AP4S1: variants seen among roughly 807,000 people sequenced by gnomAD.
The protein encoded by AP4S1 is adaptor related protein complex 4 subunit sigma 1.
Under a neutral mutation model 19.8 loss-of-function variants are expected in AP4S1, and 23 were observed. The ratio of observed to expected loss-of-function variants is 1.16; its 90% CI spans 0.84 to 1.65. AP4S1 has a LOEUF of 1.65. Ranked by LOEUF, AP4S1 falls within the 40% of genes most tolerant of loss-of-function variation. The probability of loss-of-function intolerance (pLI) is 0.00; values close to 1 mark genes in which losing one functional copy is unlikely to be tolerated. For synonymous variants in AP4S1, 46 were observed against 54.1 expected (o/e 0.85, Z 0.66); for missense variants, 166 against 172.8 (o/e 0.96, Z 0.22).
rs555895746 is a variant in AP4S1, at chr14:31,069,067, C to T, written c.139-776C>T. ...TTGCAGCTTCATTCCCAGGTGCATCCGGGCACCTAAGAGCAACACATCCAG... is the reference window on the plus strand; with the variant it reads ...TTGCAGCTTCATTCCCAGGTGCATCTGGGCACCTAAGAGCAACACATCCAG... On this transcript the variant is annotated intron_variant, in intron 2 of 5. Coordinates refer to ENST00000542754, the MANE Select transcript of AP4S1 (RefSeq NM_001128126.3). Among the ~76,000 whole-genome samples, 9 of 152,212 alleles carry T rather than the reference C, an allele frequency of 5.9e-5. No individual in the cohort carries two copies. The East Asian group carries it at 1.2e-3, about 20-fold the overall frequency.
intron 1 of AP4S1, among the ~76,000 whole-genome samples, chr14:31,040,265 C>T (rs1160550308): frequency 1.3e-5 from 2 of 151,678 alleles, no homozygotes; most frequent in African/African-American, 4.8e-5. Context: ...TGATCCTCCC[C>T]TCTCAGCCTC....
At chr14:31,054,517 A>T (rs907729867) in intron 1 of AP4S1, among the ~76,000 whole-genome samples, 1 of 152,016 alleles carries the variant, frequency 6.6e-6, no homozygotes, top group African/African-American at 2.4e-5. Flanking sequence ...CCCTGTCTCT[A>T]CTAAAAATAC....
chr14:31,069,740 T>C, intron 2 of AP4S1, 103 bp from the exon 3 acceptor site: 1 of 890,576 alleles, frequency 1.1e-6, no homozygotes, highest in South Asian at 1.3e-5. Context: ...TCTATATTTC[T>C]AGGAATGTTT....
At chr14:31,049,413 C>CA (rs1206930739) in intron 1 of AP4S1, among the ~76,000 whole-genome samples, 27 of 43,536 alleles carry the variant, frequency 6.2e-4, no homozygotes, top group African/African-American at 2.4e-3. Context: ...GACTCGGTCT[C>CA]AAAAAAAAAA....
At chr14:31,064,561 A>G (rs1016588401) in intron 1 of AP4S1, among the ~76,000 whole-genome samples, 3 of 151,996 alleles carry the variant, frequency 2.0e-5, no homozygotes, top group African/African-American at 7.2e-5. Flanking sequence ...ACCTCAAATG[A>G]TCCGTCTGTG....
At position 31,072,704 on chromosome 14, in the gene AP4S1, T is replaced by G. The variant is rs138656258; in HGVS notation, c.226-201T>G. Among the ~76,000 whole-genome samples, 612 of 152,190 alleles carry G rather than the reference T, an allele frequency of 4.0e-3. No homozygotes were observed. Among genetic ancestry groups the G allele is most frequent in the Non-Finnish European group, 6.4e-3 (437 of 67,976 alleles). On this transcript the variant is annotated intron_variant, in intron 3 of 5. Transcript: ENST00000542754. ...TCCTAGAAGTTAAGGTTTATCTACA[T>G]TTCCCCCATTGATAAACATCTTTTA... is the stretch of plus-strand genomic sequence containing the variant.
chr14:31,064,600 G>A (rs1243640344), intron 1 of AP4S1, among the ~76,000 whole-genome samples: 1 of 152,084 alleles, frequency 6.6e-6, no homozygotes, highest in Non-Finnish European at 1.5e-5. Context: ...GGGATTACAG[G>A]CATGAGCCAC....
chr14:31,052,850 A>G (rs1186406986), intron 1 of AP4S1, among the ~76,000 whole-genome samples: 1 of 151,942 alleles, frequency 6.6e-6, no homozygotes, highest in Non-Finnish European at 1.5e-5. Flanking sequence ...GTAAATATAC[A>G]TATCTATTTC....
chr14:31,057,834 G>A (rs769174304), intron 1 of AP4S1, among the ~76,000 whole-genome samples: 2 of 151,766 alleles, frequency 1.3e-5, no homozygotes, highest in African/African-American at 2.4e-5. Context: ...CACAATGTTA[G>A]CCAGGCTGGT....
chr14:31,090,435 G>A (rs903630035), intron 5 of AP4S1, among the ~76,000 whole-genome samples: 1 of 152,172 alleles, frequency 6.6e-6, no homozygotes. Flanking sequence ...CAGTAACTCC[G>A]CTCTTTGGGA....
chr14:31,089,745 C>T (rs905102364), intron 5 of AP4S1, among the ~76,000 whole-genome samples: 4 of 152,078 alleles, frequency 2.6e-5, no homozygotes, highest in Non-Finnish European at 5.9e-5. Flanking sequence ...GGCAAAACCT[C>T]GTCTCTACTA....
chr14:31,041,431 G>A (rs142054659), intron 1 of AP4S1, among the ~76,000 whole-genome samples: 29 of 152,288 alleles, frequency 1.9e-4, no homozygotes, highest in African/African-American at 7.0e-4. Flanking sequence ...TTATAGGCAT[G>A]AGCCACCATG....
At position 31,092,961 on chromosome 14, in the gene AP4S1, G is replaced by A. The variant is rs745905282; in HGVS notation, c.361G>A (p.Gly121Ser). The change falls in exon 6 of 6, where the codon GGC (glycine) becomes AGC (serine). Residue 121 changes from glycine to serine, a missense_variant. Transcript: ENST00000542754. ...CATTTTGGATGAGATGGTGTTAAAT[G>A]GCTGCATTGTGGAAACTAACAGGGC... is the stretch of plus-strand genomic sequence containing the variant. ...HIILDEMVLN[G>S]CIVETNRARI... 1.0e-5 allele frequency: 16 copies of A among 1,547,944 alleles called. No individual in the cohort carries two copies. The highest frequency in any genetic ancestry group is 1.4e-5 in the Non-Finnish European group (16 of 1,145,442).
intron 1 of AP4S1, among the ~76,000 whole-genome samples, chr14:31,058,515 CTCTGTGTGTGTATGTGTGTG>C (rs928180757): frequency 7.5e-6 from 1 of 132,534 alleles, no homozygotes; most frequent in Non-Finnish European, 1.6e-5. Context: ...TCTTCCCCAT[CTCTGTGTGTGTATGTGTGTG>C]TGTGTGTGTG....
chr14:31,086,317 A>C (rs551573206), intron 5 of AP4S1: 1 of 152,384 alleles, frequency 6.6e-6, no homozygotes, highest in South Asian at 2.1e-4. Context: ...ATGTTCTCTC[A>C]GAAAGTTACA....
At chr14:31,052,934 A>ATTTTTTTTTTTTTTTTTTTTTTTTTTTT (rs1209280743) in intron 1 of AP4S1, among the ~76,000 whole-genome samples, 4 of 101,240 alleles carry the variant, frequency 4.0e-5, no homozygotes, top group Admixed American at 1.4e-4. Flanking sequence ...AGTGTGCTAA[A>ATTTTTTTTTTTTTTTTTTTTTTTTTTTT]TTTTTTTTTT....
intron 1 of AP4S1, among the ~76,000 whole-genome samples, chr14:31,033,972 G>A (rs1884569328): frequency 6.6e-6 from 1 of 152,196 alleles, no homozygotes; most frequent in Non-Finnish European, 1.5e-5. Context: ...AGAAAGGATT[G>A]CCTGGAGCCA....
intron 1 of AP4S1, among the ~76,000 whole-genome samples, chr14:31,047,985 G>GT (rs1332033552): frequency 6.6e-6 from 1 of 151,548 alleles, no homozygotes; most frequent in Non-Finnish European, 1.5e-5. Flanking sequence ...CCTTAAATTT[G>GT]TTTTTTCTGA....
At chr14:31,092,193 T>G (rs1216694954) in intron 5 of AP4S1, among the ~76,000 whole-genome samples, 2 of 152,234 alleles carry the variant, frequency 1.3e-5, no homozygotes, top group African/African-American at 4.8e-5. Context: ...GAAATTTTAT[T>G]ATGCCCTGCC....
Sources: allele counts gnomAD v4.1 joint callset (sites outside exome capture counted in the v4.1 genomes callset), GRCh38; gene constraint gnomAD v4.1.1; transcripts MANE v1.5; gene names NCBI Gene and HGNC (gene_info 2026-07-23, HGNC 2026-07-21).